PCDH15: variants seen among roughly 807,000 people sequenced by gnomAD.
PCDH15 encodes protocadherin related 15.
PCDH15 carries 129 observed loss-of-function variants against 178.5 expected under a neutral mutation model. The ratio of observed to expected loss-of-function variants is 0.72; its 90% CI spans 0.63 to 0.84. The LOEUF is 0.84. Among genes scored for constraint, PCDH15 ranks in the 40% least tolerant of loss-of-function variants. The pLI, the probability that PCDH15 is intolerant of heterozygous loss-of-function variation, is 0.00. For synonymous variants in PCDH15, 800 were observed against 732.0 expected, an observed-to-expected ratio of 1.09 and a Z score of -1.50; for missense variants, 2,230 against 2,099.9, an observed-to-expected ratio of 1.06 and a Z score of -1.21.
intron 29 of PCDH15, among the ~76,000 whole-genome samples, chr10:53,831,735 A>G (rs1588991031): frequency 1.3e-5 from 2 of 152,190 alleles, no homozygotes. Flanking sequence ...GTATAGAAAT[A>G]TCAAAAATAT....
intron 2 of PCDH15, among the ~76,000 whole-genome samples, chr10:55,383,607 A>G (rs1837587987): frequency 6.6e-6 from 1 of 152,116 alleles, no homozygotes; most frequent in South Asian, 2.1e-4. Flanking sequence ...GAAGTAAATG[A>G]GCTTCTTTGC....
intron 3 of PCDH15, among the ~76,000 whole-genome samples, chr10:54,397,346 C>CAACAATTA (rs1281469960): frequency 1.3e-5 from 2 of 152,044 alleles, no homozygotes; most frequent in African/African-American, 4.8e-5. Flanking sequence ...ATTCCATAAG[C>CAACAATTA]AACAATTAAA....
At chr10:54,305,862 C>T (rs1363630939) in intron 8 of PCDH15, among the ~76,000 whole-genome samples, 1 of 151,714 alleles carries the variant, frequency 6.6e-6, no homozygotes, top group Non-Finnish European at 1.5e-5. Context: ...GACATTTCAC[C>T]TCAGCCAAAG....
At chr10:54,757,574 C>T (rs575501751) in intron 1 of PCDH15, among the ~76,000 whole-genome samples, 1 of 32,300 alleles carries the variant, frequency 3.1e-5, no homozygotes, top group East Asian at 2.9e-4. Context: ...AGCCACCGCG[C>T]CCGGCCAATT....
At chr10:54,455,904 G>C (rs960596994) in intron 3 of PCDH15, among the ~76,000 whole-genome samples, 1 of 152,162 alleles carries the variant, frequency 6.6e-6, no homozygotes, top group Non-Finnish European at 1.5e-5. Context: ...TTCTTCAATG[G>C]GTACAAGCCC....
chr10:54,535,049 C>T (rs1321712171), intron 2 of PCDH15, among the ~76,000 whole-genome samples: 3 of 152,122 alleles, frequency 2.0e-5, no homozygotes, highest in Non-Finnish European at 4.4e-5. Flanking sequence ...TAATTCAGTT[C>T]CAATTCAAGA....
At chr10:54,159,108 C>A (rs1373308372) in intron 13 of PCDH15, among the ~76,000 whole-genome samples, 562 of 125,160 alleles carry the variant, frequency 4.5e-3, no homozygotes, top group East Asian at 0.01. Flanking sequence ...GAGTCTGTCT[C>A]AAAAAAAAAA....
chr10:55,391,758 T>A (rs1837798794), intron 2 of PCDH15, among the ~76,000 whole-genome samples: 1 of 152,128 alleles, frequency 6.6e-6, no homozygotes, highest in Non-Finnish European at 1.5e-5. Context: ...AGTGCTGGGA[T>A]TACAAGCATG....
chr10:54,343,660 G>C (rs1857132), intron 6 of PCDH15, among the ~76,000 whole-genome samples: 9 of 141,626 alleles, frequency 6.4e-5, no homozygotes, highest in Non-Finnish European at 1.2e-4. Flanking sequence ...GAGGTGGGAG[G>C]GGAGAGGGAC....
intron 2 of PCDH15, among the ~76,000 whole-genome samples, chr10:55,343,010 AG>A (rs1844645491): frequency 2.6e-5 from 4 of 152,190 alleles, no homozygotes; most frequent in Admixed American, 2.0e-4. Flanking sequence ...TAGAGGCATA[AG>A]GGACCATGCA....
chr10:53,903,192 C>A (rs774781815), intron 26 of PCDH15, 51 bp downstream of exon 26: 3 of 1,605,070 alleles, frequency 1.9e-6, no homozygotes, highest in Non-Finnish European at 2.6e-6. Flanking sequence ...AGCTTATCTG[C>A]AAAACCTGAG....
intron 4 of PCDH15, among the ~76,000 whole-genome samples, chr10:54,369,494 T>C (rs1441500166): frequency 6.6e-6 from 1 of 152,038 alleles, no homozygotes; most frequent in East Asian, 1.9e-4. Context: ...GGTAGCATTA[T>C]GCTCACAGTT....
intron 1 of PCDH15, among the ~76,000 whole-genome samples, chr10:55,275,619 T>A (rs567232671): frequency 6.6e-6 from 1 of 151,920 alleles, no homozygotes; most frequent in Non-Finnish European, 1.5e-5. Flanking sequence ...TTCATTGAAC[T>A]TTTTAATTTA....
intron 9 of PCDH15, among the ~76,000 whole-genome samples, chr10:54,217,725 T>C (rs1449491530): frequency 6.6e-6 from 1 of 152,184 alleles, no homozygotes; most frequent in Non-Finnish European, 1.5e-5. Flanking sequence ...ATATTTCTAA[T>C]GTTCAGACTA....
chr10:54,672,655 A>C (rs1303451802), intron 1 of PCDH15, among the ~76,000 whole-genome samples: 1 of 152,206 alleles, frequency 6.6e-6, no homozygotes, highest in Non-Finnish European at 1.5e-5. Flanking sequence ...AATCTAAATG[A>C]GCTTTGTAAA....
At chr10:55,218,238 C>T (rs542826286) in intron 1 of PCDH15, among the ~76,000 whole-genome samples, 1 of 152,110 alleles carries the variant, frequency 6.6e-6, no homozygotes, top group South Asian at 2.1e-4. Flanking sequence ...CCAGTACAAT[C>T]TTAACAAACT....
At chr10:54,957,009 T>A (rs74138829) in intron 2 of PCDH15, among the ~76,000 whole-genome samples, 237 of 151,732 alleles carry the variant, frequency 1.6e-3, no homozygotes, top group African/African-American at 5.6e-3. Context: ...CAGTTTGGTA[T>A]GACAGAAAAA....
At chr10:54,697,572 A>G (rs1430241704) in intron 1 of PCDH15, among the ~76,000 whole-genome samples, 1 of 145,092 alleles carries the variant, frequency 6.9e-6, no homozygotes, top group Admixed American at 7.0e-5. Context: ...CCTCTGCAGA[A>G]ATGTTTATGC....
Position 55,413,007 on chromosome 10 carries a change from T to C in PCDH15, c.-156+214618A>G, listed in dbSNP as rs115690282. On this transcript the variant is annotated intron_variant, in intron 2 of 5. Coordinates refer to the PCDH15 transcript ENST00000613346. ...CTGAAGCTGCAGGAGATTCATACATTATTATAAATGATGACCGTCATCTAA... is the reference window on the plus strand; with the variant it reads ...CTGAAGCTGCAGGAGATTCATACATCATTATAAATGATGACCGTCATCTAA... Among the ~76,000 whole-genome samples, 821 of 151,768 alleles carry C rather than the reference T, an allele frequency of 5.4e-3. 10 individuals carry two copies. Among genetic ancestry groups the C allele is most frequent in the African/African-American group, 0.018 (741 of 41,476 alleles).
Sources: allele counts gnomAD v4.1 joint callset (sites outside exome capture counted in the v4.1 genomes callset), GRCh38; gene constraint gnomAD v4.1.1; transcripts MANE v1.5; gene names NCBI Gene and HGNC (gene_info 2026-07-23, HGNC 2026-07-21).